The following ANG variants were observed in gnomAD, a reference collection of about 807,000 sequenced individuals.
ANG encodes the protein angiogenin, also known as Homo sapiens epididymis luminal protein 168.
For synonymous variants in ANG, 74 were observed against 73.8 expected (o/e 1.00, Z -0.02); for missense variants, 178 against 187.4 (o/e 0.95, Z 0.29).
intron 1 of ANG, among the ~76,000 whole-genome samples, chr14:20,689,932 C>T (rs1368602526): frequency 8.1e-6 from 1 of 123,336 alleles, no homozygotes; most frequent in Non-Finnish European, 1.7e-5. Context: ...AAAAAAAAAA[C>T]AGGCCGGGCG....
At chr14:20,693,519 C>G (rs770267842) in intron 1 of ANG, 28 bp from the exon 2 acceptor site, 2 of 1,606,730 alleles carry the variant, frequency 1.2e-6, no homozygotes, top group Middle Eastern at 2.2e-4. Context: ...GTTCTTGGGT[C>G]TACCACACCT....
At chr14:20,691,569 C>T (rs1458612082) in intron 1 of ANG, among the ~76,000 whole-genome samples, 1 of 152,172 alleles carries the variant, frequency 6.6e-6, no homozygotes, top group African/African-American at 2.4e-5. Flanking sequence ...CAATCATGTA[C>T]CTCTTTCTTG....
At chr14:20,689,935 G>T (rs1218914703) in intron 1 of ANG, among the ~76,000 whole-genome samples, 24 of 148,434 alleles carry the variant, frequency 1.6e-4, no homozygotes, top group African/African-American at 5.7e-4. Context: ...AAAAAAACAG[G>T]CCGGGCGCGG....
At position 20,693,585 on chromosome 14, in the gene ANG, TTTG is replaced by T; in HGVS notation, c.28_30del (p.Leu10del). 1 of 1,613,250 alleles carries T rather than the reference TTTG, an allele frequency of 6.2e-7. No homozygotes were observed. Among genetic ancestry groups the T allele is most frequent in the South Asian group, 1.1e-5 (1 of 91,036 alleles). ...AAGAGATGGTGATGGGCCTGGGCGT[TTTG>T]TTGTTGGTCTTCGTGCTGGGTCTGG... On this transcript the variant is annotated inframe_deletion, in exon 2 of 2. Coordinates refer to ENST00000397990, the MANE Select transcript of ANG (RefSeq NM_001097577.3).
At chr14:20,688,111 A>C (rs2139003106), upstream of ANG, among the ~76,000 whole-genome samples, 1 of 152,306 alleles carries the variant, frequency 6.6e-6, no homozygotes, top group African/African-American at 2.4e-5. Flanking sequence ...CAGAAGATTG[A>C]ATGTTCAGGG....
intron 1 of ANG, among the ~76,000 whole-genome samples, chr14:20,692,715 T>C (rs190832693): frequency 1.3e-5 from 2 of 152,338 alleles, no homozygotes; most frequent in African/African-American, 4.8e-5. Context: ...GCCAAAAATG[T>C]TAGAGACCAC....
Position 20,694,037 on chromosome 14 carries a change from CTGCTG to C in ANG, c.*31_*35del. On this transcript the variant is annotated 3_prime_UTR_variant, in exon 2 of 2. Transcript: ENST00000397990. Reference sequence around the variant, plus strand: ...GCGGGCCCCTGGTCAAGTGCTGGCTCTGCTGTCCTTGCCTTCCATTTCCCCTCTGC... The same window carrying C: ...GCGGGCCCCTGGTCAAGTGCTGGCTCTCCTTGCCTTCCATTTCCCCTCTGC... 1.2e-6 allele frequency: 2 copies of C among 1,612,710 alleles called. No individual in the cohort carries two copies. Among genetic ancestry groups the C allele is most frequent in the Non-Finnish European group, 1.7e-6 (2 of 1,178,724 alleles).
rs758336427 is a variant in ANG, at chr14:20,694,021, T to G, written c.*13T>G. On this transcript the variant is annotated 3_prime_UTR_variant, in exon 2 of 2. Coordinates refer to ENST00000397990, the MANE Select transcript of ANG (RefSeq NM_001097577.3). ...CCGTCGTCCGTAACCAGCGGGCCCC[T>G]GGTCAAGTGCTGGCTCTGCTGTCCT... The G allele has an allele frequency of 2.5e-6, 4 of 1,613,994 alleles. No homozygotes were observed. The South Asian group carries it at 4.4e-5, about 18-fold the overall frequency.
chr14:20,685,685 G>T (rs1331002559), upstream of ANG, among the ~76,000 whole-genome samples: 1 of 152,166 alleles, frequency 6.6e-6, no homozygotes, highest in Non-Finnish European at 1.5e-5. Flanking sequence ...CCTTCGAACA[G>T]CAACTTTCAG....
At chr14:20,688,612 TA>T, upstream of ANG, 1 of 852,582 alleles carries the variant, frequency 1.2e-6, no homozygotes, top group Non-Finnish European at 1.4e-6. Context: ...AACAAATCTC[TA>T]ATCCATTCAG....
chr14:20,692,960 G>T (rs1313421997), intron 1 of ANG, among the ~76,000 whole-genome samples: 1 of 151,894 alleles, frequency 6.6e-6, no homozygotes, highest in Non-Finnish European at 1.5e-5. Flanking sequence ...CCATTCTCCT[G>T]CCTCAGCCTC....
upstream of ANG, among the ~76,000 whole-genome samples, chr14:20,686,292 G>GA (rs1886424617): frequency 6.6e-6 from 1 of 152,154 alleles, no homozygotes; most frequent in South Asian, 2.1e-4. Flanking sequence ...AGAGAGGATG[G>GA]AAAAAATCAT....
In ANG at chr14:20,694,117, C is replaced by G; in HGVS notation, c.*109C>G. ...CATTGCCAAGGGCCCAAAGAAAGAG[C>G]TACCTGGACCTTTTGTTTTCTGTTT... On this transcript the variant is annotated 3_prime_UTR_variant, in exon 2 of 2. Coordinates refer to ENST00000397990, the MANE Select transcript of ANG (RefSeq NM_001097577.3). 1 of 1,189,938 alleles carries G rather than the reference C, an allele frequency of 8.4e-7. No homozygotes were observed. The highest frequency in any genetic ancestry group is 2.3e-5 in the East Asian group (1 of 42,858). The allele number at this position is 1,189,938 out of a possible 1,614,324, so 73.7% of individuals were successfully genotyped here.
chr14:20,690,898 C>G (rs181648791), intron 1 of ANG, among the ~76,000 whole-genome samples: 4 of 152,220 alleles, frequency 2.6e-5, no homozygotes, highest in Non-Finnish European at 5.9e-5. Flanking sequence ...TGTTCATCCA[C>G]GATCACGTGG....
chr14:20,686,958 G>A (rs550844665), upstream of ANG, among the ~76,000 whole-genome samples: 3 of 152,156 alleles, frequency 2.0e-5, no homozygotes, highest in Non-Finnish European at 4.4e-5. Context: ...CGTGCATCCC[G>A]TGTCTGTGTG....
chr14:20,692,315 G>A (rs906105398), intron 1 of ANG, among the ~76,000 whole-genome samples: 16 of 152,216 alleles, frequency 1.1e-4, no homozygotes, highest in African/African-American at 3.9e-4. Flanking sequence ...ACTTCTTGGG[G>A]AGGTAGGTCT....
Position 20,693,574 on chromosome 14 carries a change from G to A in ANG, c.10G>A (p.Gly4Ser), listed in dbSNP as rs751781877. 6.2e-7 allele frequency: 1 copy of A among 1,612,578 alleles called. No individual in the cohort carries two copies. The highest frequency in any genetic ancestry group is 8.5e-7 in the Non-Finnish European group (1 of 1,180,032). Residue 4 changes from glycine (G) to serine (S), a missense_variant, in exon 2 of 2, where the codon GGC (glycine) becomes AGC (serine). Coordinates refer to ENST00000397990, the MANE Select transcript of ANG (RefSeq NM_001097577.3). MVM[G>S]LGVLLLVFVL... is the part of the protein sequence containing the mutation. ...GCCTGTGTTGGAAGAGATGGTGATG[G>A]GCCTGGGCGTTTTGTTGTTGGTCTT...
intron 1 of ANG, among the ~76,000 whole-genome samples, chr14:20,690,902 C>T (rs1171202864): frequency 6.6e-6 from 1 of 152,226 alleles, no homozygotes; most frequent in Non-Finnish European, 1.5e-5. Flanking sequence ...CATCCACGAT[C>T]ACGTGGGTAA....
In ANG at chr14:20,693,783, C is replaced by G; in HGVS notation, c.219C>G (p.Asn73Lys). The G allele has an allele frequency of 1.2e-6, 2 of 1,614,192 alleles. No homozygotes were observed. The highest frequency in any genetic ancestry group is 1.7e-6 in the Non-Finnish European group (2 of 1,180,038). ...ACATCAACACATTTATTCATGGCAA[C>G]AAGCGCAGCATCAAGGCCATCTGTG... Reference protein sequence around the residue: ...CKDINTFIHGNKRSIKAICEN... With the variant: ...CKDINTFIHGKKRSIKAICEN... Residue 73 changes from asparagine (N) to lysine (K), a missense_variant, in exon 2 of 2, where the codon AAC becomes AAG. Asn to Lys is a moderately conservative substitution (Grantham distance 94, BLOSUM62 0). Transcript: ENST00000397990.
Sources: allele counts gnomAD v4.1 joint callset (sites outside exome capture counted in the v4.1 genomes callset), GRCh38; gene constraint gnomAD v4.1.1; transcripts MANE v1.5; gene names NCBI Gene and HGNC (gene_info 2026-07-23, HGNC 2026-07-21).